The following TTC6 variants were observed in gnomAD, a reference collection of about 807,000 sequenced individuals.
TTC6 encodes tetratricopeptide repeat domain 6, also known as tetratricopeptide repeat protein 6.
TTC6 carries 172 observed loss-of-function variants against 210.4 expected under a neutral mutation model. The ratio of observed to expected loss-of-function variants is 0.82; its 90% CI spans 0.72 to 0.93. The LOEUF (loss-of-function observed/expected upper bound fraction) is 0.93. Among genes scored for constraint, TTC6 ranks in the 40% least tolerant of loss-of-function variants. TTC6 has a pLI of 0.00. For missense variants in TTC6, 2,414 were observed against 2,318.1 expected (o/e 1.04, Z -0.85); for synonymous variants, 804 against 819.6 (o/e 0.98, Z 0.32).
At chr14:37,687,012 T>A (rs2095795224) in intron 3 of TTC6, among the ~76,000 whole-genome samples, 2 of 152,138 alleles carry the variant, frequency 1.3e-5, no homozygotes, top group Non-Finnish European at 2.9e-5. Flanking sequence ...GATTGTCCCC[T>A]CCACTCCACA....
chr14:37,761,346 C>T (rs1373549289), intron 14 of TTC6, among the ~76,000 whole-genome samples: 1 of 151,818 alleles, frequency 6.6e-6, no homozygotes, highest in Admixed American at 6.6e-5. Flanking sequence ...TAACCAGTCC[C>T]GATAAGATGA....
chr14:37,725,294 ATGTATGTG>A (rs1481525184), intron 7 of TTC6, among the ~76,000 whole-genome samples: 1 of 76,108 alleles, frequency 1.3e-5, no homozygotes, highest in Non-Finnish European at 2.9e-5. Context: ...TTATATATGT[ATGTATGTG>A]TGTGTGTGTG....
rs931216509 is a variant in TTC6, at chr14:37,622,850, C to T, written c.786C>T (p.Ala262=). The T allele has an allele frequency of 2.0e-6, 3 of 1,534,370 alleles. No homozygotes were observed. The African/African-American group carries it at 4.1e-5, about 21-fold the overall frequency. ...GGCCGCCCAGCGACGCGCGGGAGGCCGCCTGGCAGGCGCTGCTGCCCTCCC... is the reference window on the plus strand; with the variant it reads ...GGCCGCCCAGCGACGCGCGGGAGGCTGCCTGGCAGGCGCTGCTGCCCTCCC... The change falls in exon 1 of 31, where the codon GCC becomes GCT. Residue 262 remains alanine, a synonymous_variant. Coordinates refer to ENST00000553443, the Ensembl canonical transcript of TTC6.
chr14:37,734,699 T>G (rs1304903340), intron 7 of TTC6, among the ~76,000 whole-genome samples: 3 of 152,006 alleles, frequency 2.0e-5, no homozygotes, highest in Non-Finnish European at 2.9e-5. Context: ...TGGGGTAGAG[T>G]AGGAGGATTT....
At chr14:37,604,129 C>T (rs1007481721) in intron 1 of TTC6, among the ~76,000 whole-genome samples, 2 of 152,162 alleles carry the variant, frequency 1.3e-5, no homozygotes, top group African/African-American at 4.8e-5. Flanking sequence ...TCTGCGTTGT[C>T]GCAGTTCCTC....
intron 26 of TTC6, among the ~76,000 whole-genome samples, chr14:37,819,558 G>A (rs1337137105): frequency 1.3e-5 from 2 of 152,120 alleles, no homozygotes; most frequent in African/African-American, 4.8e-5. Context: ...TAGTCACCAC[G>A]AGTGTTATGG....
At chr14:37,738,005 A>G (rs1222039546) in intron 9 of TTC6, among the ~76,000 whole-genome samples, 1 of 151,960 alleles carries the variant, frequency 6.6e-6, no homozygotes, top group Non-Finnish European at 1.5e-5. Flanking sequence ...TTGACTATAA[A>G]GAACTACATC....
chr14:37,713,355 C>T (rs1225081167), intron 5 of TTC6, among the ~76,000 whole-genome samples: 2 of 152,170 alleles, frequency 1.3e-5, no homozygotes, highest in Non-Finnish European at 2.9e-5. Context: ...AACTGTGCCT[C>T]AGCCTCCTGA....
chr14:37,678,746 A>T (rs1007142759), intron 1 of TTC6, among the ~76,000 whole-genome samples: 9 of 152,148 alleles, frequency 5.9e-5, no homozygotes, highest in Admixed American at 4.6e-4. Context: ...AGTTGCTGTA[A>T]TATTTTGTCC....
intron 25 of TTC6, among the ~76,000 whole-genome samples, chr14:37,816,776 T>G (rs2096142985): frequency 6.6e-6 from 1 of 152,170 alleles, no homozygotes; most frequent in Non-Finnish European, 1.5e-5. Flanking sequence ...TTTTCTTAAT[T>G]TAAATGTAGC....
chr14:37,780,780 G>A (rs115801649), intron 14 of TTC6, among the ~76,000 whole-genome samples: 2,573 of 151,956 alleles, frequency 0.017, 67 homozygotes, highest in African/African-American at 0.053. Context: ...CCTATCCCTA[G>A]CCTCCCACCC....
chr14:37,662,811 CCCTGTAG>C (rs1423885395), intron 1 of TTC6, among the ~76,000 whole-genome samples: 1 of 152,060 alleles, frequency 6.6e-6, no homozygotes, highest in African/African-American at 2.4e-5. Flanking sequence ...TTTACTGTAG[CCCTGTAG>C]TATAGTTTGA....
chr14:37,774,698 A>G (rs942078471), intron 14 of TTC6, among the ~76,000 whole-genome samples: 1 of 151,970 alleles, frequency 6.6e-6, no homozygotes, highest in Non-Finnish European at 1.5e-5. Context: ...TGAAGTTTTC[A>G]TTTTTGTGTT....
At chr14:37,727,573 G>A (rs1036858638) in intron 7 of TTC6, among the ~76,000 whole-genome samples, 1 of 151,762 alleles carries the variant, frequency 6.6e-6, no homozygotes, top group Non-Finnish European at 1.5e-5. Context: ...GATTACAGGT[G>A]TGAGCCACCA....
chr14:37,774,409 C>T lies in TTC6; in HGVS notation c.3267-13059C>T, dbSNP rs1418849685. ...TTGAGTATAGGTTTGTCATCAATGG[C>T]TCTTGTTATTTTTAAGCATGTTCTT... On this transcript the variant is annotated intron_variant, in intron 14 of 30. Coordinates refer to ENST00000553443, the Ensembl canonical transcript of TTC6. Among the ~76,000 whole-genome samples, 9 of 152,198 alleles carry T rather than the reference C, an allele frequency of 5.9e-5. No individual in the cohort carries two copies. The East Asian group carries it at 1.5e-3, about 26-fold the overall frequency.
In TTC6 at chr14:37,723,576, C is replaced by T. The variant is rs187087481; in HGVS notation, c.1714-1322C>T. Among the ~76,000 whole-genome samples the T allele has an allele frequency of 4.8e-4, 73 of 152,184 alleles. 1 individual carries two copies. Among genetic ancestry groups the T allele is most frequent in the Admixed American group, 7.8e-4 (12 of 15,294 alleles). On this transcript the variant is annotated intron_variant, in intron 6 of 30. Transcript: ENST00000553443. ...GACAAACCAGGCTTCCATAATTCTCCCTCAATTTATTAAATTTTTCAGTGC... is the reference window on the plus strand; with the variant it reads ...GACAAACCAGGCTTCCATAATTCTCTCTCAATTTATTAAATTTTTCAGTGC...
At chr14:37,691,398 C>T (rs1039624533) in intron 3 of TTC6, among the ~76,000 whole-genome samples, 3 of 152,074 alleles carry the variant, frequency 2.0e-5, no homozygotes, top group African/African-American at 7.2e-5. Flanking sequence ...AAGAATAATT[C>T]TGGAAACTAT....
chr14:37,842,425 G>A, exon 31 of TTC6: 1 of 715,034 alleles, frequency 1.4e-6, no homozygotes, highest in Non-Finnish European at 2.0e-6. Context: ...AACCTTCTAT[G>A]CATTTTAATA....
chr14:37,773,324 A>G (rs891490689), intron 14 of TTC6, among the ~76,000 whole-genome samples: 1 of 152,172 alleles, frequency 6.6e-6, no homozygotes, highest in African/African-American at 2.4e-5. Flanking sequence ...TGGCATTTTC[A>G]TCATGAAATC....
Sources: allele counts gnomAD v4.1 joint callset (sites outside exome capture counted in the v4.1 genomes callset), GRCh38; gene constraint gnomAD v4.1.1; transcripts MANE v1.5; gene names NCBI Gene and HGNC (gene_info 2026-07-23, HGNC 2026-07-21).